Variants in ZNF106 observed in about 807,000 individuals in gnomAD.
ZNF106 encodes zinc finger protein 106, also known as SH3-domain binding protein 3.
ZNF106 carries 67 observed loss-of-function variants against 195.1 expected under a neutral mutation model. The observed-to-expected ratio is 0.34, with a 90% CI of 0.28 to 0.42. The LOEUF (loss-of-function observed/expected upper bound fraction) is 0.42. Ranked by LOEUF, ZNF106 falls within the 10% of genes least tolerant of loss-of-function variation. The pLI is 1.00. For synonymous variants in ZNF106, 784 were observed against 818.6 expected, an observed-to-expected ratio of 0.96 and a Z score of 0.72; for missense variants, 2,118 against 2,304.5, an observed-to-expected ratio of 0.92 and a Z score of 1.66.
At chr15:42,440,186 A>C (rs1389216432) in intron 10 of ZNF106, among the ~76,000 whole-genome samples, 2 of 152,196 alleles carry the variant, frequency 1.3e-5, no homozygotes, top group Non-Finnish European at 2.9e-5. Context: ...TGAAGTTTTC[A>C]TTATCCACAC....
At chr15:42,484,935 G>A (rs1409688990) in intron 1 of ZNF106, among the ~76,000 whole-genome samples, 1 of 152,178 alleles carries the variant, frequency 6.6e-6, no homozygotes, top group Non-Finnish European at 1.5e-5. Context: ...GAGGCGGGCG[G>A]ATCGGTAGAG....
chr15:42,422,553 T>G lies in ZNF106; in HGVS notation c.5321A>C (p.Lys1774Thr). ...ATCCAGGCAAGCAGTCACCATCACT[T>G]TTCCTAGGATATTCACCACAGTCAC... The part of the protein sequence containing the change: ...HAVTVVNILG[K>T]VMVTACLDKF... Residue 1774 changes from lysine (K) to threonine (T), a missense_variant, in exon 18 of 22, where the codon AAA becomes ACA. Lys to Thr is a moderately conservative substitution (Grantham distance 78). Coordinates refer to ENST00000564754, the MANE Select transcript of ZNF106 (RefSeq NM_001366845.3). 2 of 1,613,754 alleles carry G rather than the reference T, an allele frequency of 1.2e-6. No individual in the cohort carries two copies. The highest frequency in any genetic ancestry group is 1.7e-6 in the Non-Finnish European group (2 of 1,179,960).
chr15:42,439,363 A>T lies in ZNF106; in HGVS notation c.4214T>A (p.Val1405Glu), dbSNP rs778820044. 1.2e-6 allele frequency: 2 copies of T among 1,613,826 alleles called. No homozygotes were observed. Among genetic ancestry groups the T allele is most frequent in the Non-Finnish European group, 8.5e-7 (1 of 1,180,022 alleles). The change falls in exon 11 of 22, where the codon GTA (valine) becomes GAA (glutamate). Residue 1405 changes from valine (V) to glutamate (E), a missense_variant. Transcript: ENST00000564754. ...TAACTTTCCAGCTTTTACTTTCCTT[A>T]CAGGTTTAACAGTCAAAACATCCTG... The part of the protein sequence containing the change: ...TEQDVLTVKP[V>E]RKVKAGKLIK...
In ZNF106 at chr15:42,451,700, G is replaced by T; in HGVS notation, c.572C>A (p.Ala191Glu). 6.2e-7 allele frequency: 1 copy of T among 1,614,170 alleles called. No homozygotes were observed. Among genetic ancestry groups the T allele is most frequent in the Non-Finnish European group, 8.5e-7 (1 of 1,180,030 alleles). ...GTGAAACCAAGTCGAGGAGCCTCCT[G>T]CAACACCCTTATGCCACCCGGAACG... ...RGRSGWHKGV[A>E]GGSSTWFHNH... is the part of the protein sequence containing the mutation. The change falls in exon 5 of 22, where the codon GCA becomes GAA. Residue 191 changes from alanine (A) to glutamate (E), a missense_variant. Ala to Glu is a moderately radical substitution (Grantham distance 107, BLOSUM62 -1). Transcript: ENST00000564754.
rs765161168 is a variant in ZNF106 at position 42,423,981 on chromosome 15, A to G, written c.5253+17T>C. ...ATTTTATTCACAGTTTCTTTACACA[A>G]CACCAACACAGCTTACGTGAATGTT... On this transcript the variant is annotated intron_variant, in intron 17 of 21. Coordinates refer to ENST00000564754, the MANE Select transcript of ZNF106 (RefSeq NM_001366845.3). 14 of 1,598,324 alleles carry G rather than the reference A, an allele frequency of 8.8e-6. No homozygotes were observed. The highest frequency in any genetic ancestry group is 1.1e-5 in the Non-Finnish European group (13 of 1,175,194).
chr15:42,476,179 T>G (rs1342225719), intron 1 of ZNF106, among the ~76,000 whole-genome samples: 1 of 152,188 alleles, frequency 6.6e-6, no homozygotes, highest in Admixed American at 6.5e-5. Context: ...GCCAGCAAAG[T>G]ATTCAATCGA....
At chr15:42,488,687 C>G (rs539784902) in intron 1 of ZNF106, among the ~76,000 whole-genome samples, 10 of 152,324 alleles carry the variant, frequency 6.6e-5, no homozygotes, top group African/African-American at 2.4e-4. Flanking sequence ...TTCCTCTCAA[C>G]TCTTGTAGAG....
At chr15:42,470,686 A>C (rs2056646489) in intron 2 of ZNF106, among the ~76,000 whole-genome samples, 1 of 152,104 alleles carries the variant, frequency 6.6e-6, no homozygotes, top group African/African-American at 2.4e-5. Flanking sequence ...AAAATCACAA[A>C]ATCATGGTAT....
intron 15 of ZNF106, among the ~76,000 whole-genome samples, 176 bp from the exon 16 acceptor site, chr15:42,425,201 C>A (rs1209288263): frequency 1.3e-5 from 2 of 152,146 alleles, no homozygotes; most frequent in Admixed American, 6.5e-5. Flanking sequence ...TTTTACTGAA[C>A]CTCCCCCATC....
At chr15:42,429,612 A>G (rs1198120774) in intron 14 of ZNF106, among the ~76,000 whole-genome samples, 1 of 151,982 alleles carries the variant, frequency 6.6e-6, no homozygotes, top group East Asian at 1.9e-4. Flanking sequence ...CATACCTAAA[A>G]GAGTCAGTCA....
rs1246479770 is a variant in ZNF106 at position 42,412,930 on chromosome 15, T to TA, written c.*4373dup. On this transcript the variant is annotated 3_prime_UTR_variant, in exon 22 of 22. Coordinates refer to ENST00000564754, the MANE Select transcript of ZNF106 (RefSeq NM_001366845.3). Reference sequence around the variant, plus strand: ...CCAAAATGTAAGAAGGCTATTTGCTTATAAACATTTTTGCAGTCAGGTGTC... The same window carrying TA: ...CCAAAATGTAAGAAGGCTATTTGCTTAATAAACATTTTTGCAGTCAGGTGTC... 6.6e-6 allele frequency: 1 copy of TA among 152,206 alleles called. No individual in the cohort carries two copies. The highest frequency in any genetic ancestry group is 1.5e-5 in the Non-Finnish European group (1 of 68,038). 9.4% of individuals were successfully genotyped at this position (152,206 alleles called of 1,614,324 possible). A position where few individuals can be genotyped will look rare whatever the true frequency, so the allele number is the denominator to read the frequency against.
intron 15 of ZNF106, among the ~76,000 whole-genome samples, chr15:42,426,142 C>T (rs914939858): frequency 5.9e-5 from 9 of 152,080 alleles, no homozygotes; most frequent in Non-Finnish European, 1.3e-4. Context: ...AAAGGTGGAC[C>T]GGCCCTGGTA....
At position 42,424,036 on chromosome 15, in the gene ZNF106, C is replaced by T; in HGVS notation, c.5215G>A (p.Gly1739Ser). The part of the protein sequence containing the change: ...MKVVNDLVFS[G>S]SSDQSVHAHN... Reference sequence around the variant, plus strand: ...GCATGGACTGACTGATCACTGGAGCCACTGAACACGAGATCATTCACCACC... The same window carrying T: ...GCATGGACTGACTGATCACTGGAGCTACTGAACACGAGATCATTCACCACC... The change falls in exon 17 of 22, where the codon GGC (glycine) becomes AGC (serine). Residue 1739 changes from glycine to serine, a missense_variant. Coordinates refer to ENST00000564754, the MANE Select transcript of ZNF106 (RefSeq NM_001366845.3). 6.2e-7 allele frequency: 1 copy of T among 1,613,250 alleles called. No homozygotes were observed. The highest frequency in any genetic ancestry group is 8.5e-7 in the Non-Finnish European group (1 of 1,179,764).
At position 42,450,610 on chromosome 15, in the gene ZNF106, T is replaced by C. The variant is rs2141357279; in HGVS notation, c.1662A>G (p.Leu554=). 6.2e-7 allele frequency: 1 copy of C among 1,614,236 alleles called. No homozygotes were observed. The highest frequency in any genetic ancestry group is 8.5e-7 in the Non-Finnish European group (1 of 1,180,042). The change falls in exon 5 of 22, where the codon TTA becomes TTG. Residue 554 remains leucine, a synonymous_variant. Transcript: ENST00000564754. ...CTTTGGCCTTTCGTAAAGTATCATT[T>C]AAATTATCACCAGATTGCTTTTGAG... is the stretch of plus-strand genomic sequence containing the variant. The part of the protein sequence containing the change: ...FGSQKQSGDN[L]NDTLRKAKEV...
In ZNF106 at chr15:42,446,490, T is replaced by C. The variant is rs373848392; in HGVS notation, c.3205+99A>G. On this transcript the variant is annotated intron_variant, in intron 7 of 21. Coordinates refer to ENST00000564754, the MANE Select transcript of ZNF106 (RefSeq NM_001366845.3). The stretch of plus-strand genomic sequence containing the variant: ...TGCTCGGGAGGCTGAGAGAAGAGGA[T>C]TGCTTGAGCCCAAGAGTTGGAGGTT... 37 of 863,666 alleles carry C rather than the reference T, an allele frequency of 4.3e-5. No individual in the cohort carries two copies. The East Asian group carries it at 7.5e-4, about 17-fold the overall frequency. The allele number at this position is 863,666 out of a possible 1,614,324, so 53.5% of individuals were successfully genotyped here.
In ZNF106 at chr15:42,417,095, G is replaced by C; in HGVS notation, c.*209C>G. 2 of 557,840 alleles carry C rather than the reference G, an allele frequency of 3.6e-6. No homozygotes were observed. The highest frequency in any genetic ancestry group is 6.4e-6 in the Non-Finnish European group (2 of 314,020). 34.6% of individuals were successfully genotyped at this position (557,840 alleles called of 1,614,324 possible). On this transcript the variant is annotated 3_prime_UTR_variant, in exon 22 of 22. Coordinates refer to ENST00000564754, the MANE Select transcript of ZNF106 (RefSeq NM_001366845.3). ...AGAGAAGTATGGTTCCTTAACATTT[G>C]TCTAAATCTATTTAAAACCTCCAGC...
At chr15:42,471,277 C>T (rs988999335) in intron 2 of ZNF106, among the ~76,000 whole-genome samples, 40 of 152,178 alleles carry the variant, frequency 2.6e-4, no homozygotes, top group African/African-American at 9.7e-4. Context: ...AGCCCATGAT[C>T]CTCCCAGTTC....
rs1219161985 is a variant in ZNF106, at chr15:42,417,372, G to A, written c.5665-12C>T. On this transcript the variant is annotated splice_polypyrimidine_tract_variant and intron_variant, in intron 21 of 21. Transcript: ENST00000564754. ...TGTCCTGCAGCATCCTAGGAATGAA[G>A]GGAAAAGGGCCCATGAGAGAGAAGT... The A allele has an allele frequency of 6.2e-7, 1 of 1,613,804 alleles. No individual in the cohort carries two copies. The highest frequency in any genetic ancestry group is 8.5e-7 in the Non-Finnish European group (1 of 1,179,836).
chr15:42,439,473 C>G lies in ZNF106; in HGVS notation c.4104G>C (p.Glu1368Asp), dbSNP rs754741407. The change falls in exon 11 of 22, where the codon GAG becomes GAC. Residue 1368 changes from glutamate to aspartate, a missense_variant. Glu to Asp is a conservative substitution (Grantham distance 45). Transcript: ENST00000564754. Reference sequence around the variant, plus strand: ...TCTTCTTTTTCTTGCTTCCCCTAGTCTCAGCTGATGTCAAAGTGGATTCTG... The same window carrying G: ...TCTTCTTTTTCTTGCTTCCCCTAGTGTCAGCTGATGTCAAAGTGGATTCTG... The part of the protein sequence containing the change: ...QQAESTLTSA[E>D]TRGSKKKKKL... 3 of 1,614,076 alleles carry G rather than the reference C, an allele frequency of 1.9e-6. No individual in the cohort carries two copies. The highest frequency in any genetic ancestry group is 1.7e-5 in the Admixed American group (1 of 59,992).
Sources: allele counts gnomAD v4.1 joint callset (sites outside exome capture counted in the v4.1 genomes callset), GRCh38; gene constraint gnomAD v4.1.1; transcripts MANE v1.5; gene names NCBI Gene and HGNC (gene_info 2026-07-23, HGNC 2026-07-21).